Variants in EPHA6 observed in about 807,000 individuals in gnomAD.
The protein encoded by EPHA6 is ephrin type-A receptor 6.
In EPHA6, 50 loss-of-function variants were observed where a neutral mutation model predicts 112.0. That is an observed-to-expected ratio of 0.45 (90% confidence interval 0.36 to 0.56). The LOEUF is 0.56. Ranked by LOEUF, EPHA6 falls within the 20% of genes least tolerant of loss-of-function variation. The probability of loss-of-function intolerance (pLI) is 0.00; values close to 1 mark genes in which losing one functional copy is unlikely to be tolerated. For synonymous variants in EPHA6, 529 were observed against 490.7 expected (o/e 1.08, Z -1.03); for missense variants, 1,280 against 1,417.4 (o/e 0.90, Z 1.56).
At chr3:97,562,004 C>A (rs761019153) in intron 11 of EPHA6, among the ~76,000 whole-genome samples, 28 of 152,082 alleles carry the variant, frequency 1.8e-4, no homozygotes, top group Non-Finnish European at 3.7e-4. Context: ...TTTGAGGCTA[C>A]TATTGAGACC....
chr3:97,116,959 A>G (rs1409339319), intron 3 of EPHA6, among the ~76,000 whole-genome samples: 5 of 151,730 alleles, frequency 3.3e-5, no homozygotes, highest in Non-Finnish European at 5.9e-5. Flanking sequence ...CAAAGTGTTC[A>G]ACAGTTACCT....
chr3:96,894,979 G>A (rs2038185360), intron 2 of EPHA6, among the ~76,000 whole-genome samples: 1 of 152,168 alleles, frequency 6.6e-6, no homozygotes, highest in African/African-American at 2.4e-5. Flanking sequence ...TGTTCATGGT[G>A]TATTATCTAC....
intron 10 of EPHA6, among the ~76,000 whole-genome samples, chr3:97,504,157 ATAAT>A (rs1181970837): frequency 1.3e-5 from 2 of 152,230 alleles, no homozygotes; most frequent in African/African-American, 4.8e-5. Flanking sequence ...TGCTGGCCAA[ATAAT>A]TAATACAATT....
chr3:97,690,520 C>T (rs529421181), intron 14 of EPHA6, among the ~76,000 whole-genome samples: 2 of 150,400 alleles, frequency 1.3e-5, no homozygotes, highest in Admixed American at 6.6e-5. Context: ...CAGGCTGGAG[C>T]GTAGTGGCAC....
At chr3:97,428,253 C>A (rs529917008) in intron 6 of EPHA6, among the ~76,000 whole-genome samples, 14 of 152,102 alleles carry the variant, frequency 9.2e-5, no homozygotes, top group African/African-American at 3.1e-4. Flanking sequence ...GATGTGCTAA[C>A]TTTTTATTTT....
chr3:97,063,298 AC>A (rs2046080652), intron 3 of EPHA6, among the ~76,000 whole-genome samples: 1 of 152,340 alleles, frequency 6.6e-6, no homozygotes, highest in Admixed American at 6.5e-5. Flanking sequence ...CATGGAATTA[AC>A]CCAAATCCCC....
rs545322467 is a variant in EPHA6 at position 97,441,623 on chromosome 3, G to C, written c.1732-6945G>C. On this transcript the variant is annotated intron_variant, in intron 6 of 17. Coordinates refer to ENST00000389672, the MANE Select transcript of EPHA6 (RefSeq NM_001080448.3). ...AAAAATACATAAGAAATTGTTTTTG[G>C]TTTGCACAGTAAAATATTATAGATG... is the stretch of plus-strand genomic sequence containing the variant. Among the ~76,000 whole-genome samples, 3 of 152,108 alleles carry C rather than the reference G, an allele frequency of 2.0e-5. No homozygotes were observed. In the South Asian group the frequency reaches 6.2e-4, roughly 32 times the overall value.
intron 12 of EPHA6, among the ~76,000 whole-genome samples, chr3:97,597,360 C>T (rs1207980467): frequency 2.0e-5 from 3 of 152,256 alleles, no homozygotes; most frequent in Admixed American, 6.5e-5. Context: ...CTGTCTGCTG[C>T]TCTGAATCAA....
At chr3:96,897,329 C>T (rs965273216) in intron 2 of EPHA6, among the ~76,000 whole-genome samples, 11 of 151,914 alleles carry the variant, frequency 7.2e-5, no homozygotes, top group African/African-American at 2.7e-4. Context: ...ACAAGTATAA[C>T]CCATTTTCTT....
chr3:96,949,156 A>T (rs982384202), intron 2 of EPHA6, among the ~76,000 whole-genome samples: 12 of 152,186 alleles, frequency 7.9e-5, no homozygotes, highest in African/African-American at 2.7e-4. Flanking sequence ...AATAAATGAG[A>T]ATCTGGCCCA....
chr3:97,187,688 GGAAAGAAAGAAAGAAAGAAAGAAAGAAA>G (rs71113853), intron 3 of EPHA6, among the ~76,000 whole-genome samples: 58 of 108,076 alleles, frequency 5.4e-4, no homozygotes, highest in Middle Eastern at 4.5e-3. Context: ...AAAGAAAGAA[GGAAAGAAAGAAAGAAAGAAAGAAAGAAA>G]GAAAGAAAGA....
Position 97,714,271 on chromosome 3 carries a change from C to A in EPHA6, c.2785-5990C>A, listed in dbSNP as rs1349724273. Among the ~76,000 whole-genome samples, 3 of 152,182 alleles carry A rather than the reference C, an allele frequency of 2.0e-5. No homozygotes were observed. In the East Asian group the frequency reaches 5.8e-4, roughly 29 times the overall value. ...ACTGGGTGCTGGCTGCTAAGAGGTG[C>A]TTTATGTGTACCATCTCATTTAATC... On this transcript the variant is annotated intron_variant, in intron 14 of 17. Transcript: ENST00000389672.
At chr3:97,361,244 G>C (rs1296454671) in intron 5 of EPHA6, among the ~76,000 whole-genome samples, 1 of 152,124 alleles carries the variant, frequency 6.6e-6, no homozygotes, top group African/African-American at 2.4e-5. Context: ...TTAATAAATA[G>C]CTTTGTTTAT....
chr3:97,411,341 A>C (rs2087702872), intron 6 of EPHA6, among the ~76,000 whole-genome samples: 1 of 152,038 alleles, frequency 6.6e-6, no homozygotes, highest in African/African-American at 2.4e-5. Flanking sequence ...CCACAGCAGC[A>C]TCTGTATGGT....
intron 3 of EPHA6, among the ~76,000 whole-genome samples, chr3:97,110,109 GT>G (rs2047678859): frequency 1.3e-5 from 2 of 152,054 alleles, no homozygotes; most frequent in African/African-American, 4.8e-5. Flanking sequence ...CAGCTATATG[GT>G]TTAGATACTT....
At chr3:96,962,327 A>G (rs78866245) in intron 2 of EPHA6, among the ~76,000 whole-genome samples, 2,099 of 151,996 alleles carry the variant, frequency 0.014, 61 homozygotes, top group African/African-American at 0.048. Context: ...GATATTCTCT[A>G]AAGCAGAAAT....
chr3:97,187,841 G>T (rs2077197710), intron 3 of EPHA6, among the ~76,000 whole-genome samples: 1 of 152,068 alleles, frequency 6.6e-6, no homozygotes, highest in African/African-American at 2.4e-5. Flanking sequence ...TGAGTACAGA[G>T]GGGGAGGTGC....
intron 11 of EPHA6, among the ~76,000 whole-genome samples, chr3:97,573,506 T>C (rs2093354313): frequency 6.6e-6 from 1 of 152,146 alleles, no homozygotes; most frequent in African/African-American, 2.4e-5. Context: ...AGATTATACA[T>C]TTTAAGGTCA....
chr3:97,741,810 C>G (rs2035516674), intron 16 of EPHA6, among the ~76,000 whole-genome samples: 1 of 152,074 alleles, frequency 6.6e-6, no homozygotes, highest in Non-Finnish European at 1.5e-5. Flanking sequence ...CTGGACTAGT[C>G]AAACTTCATA....
Sources: gnomAD v4.1 joint callset for allele counts (sites outside exome capture counted in the v4.1 genomes callset) on GRCh38, gnomAD v4.1.1 for gene constraint, MANE v1.5 for transcripts, NCBI Gene and HGNC (gene_info 2026-07-23, HGNC 2026-07-21) for gene names.